The following SYNJ1 variants were observed in gnomAD, a reference collection of about 807,000 sequenced individuals.
SYNJ1 encodes the protein polyphosphatidylinositol phosphatase SYNJ1.
SYNJ1 carries 78 observed loss-of-function variants against 168.2 expected under a neutral mutation model. The ratio of observed to expected loss-of-function variants is 0.46; its 90% CI spans 0.39 to 0.56. The LOEUF (loss-of-function observed/expected upper bound fraction) is 0.56. Ranked by LOEUF, SYNJ1 falls within the 20% of genes least tolerant of loss-of-function variation. SYNJ1 has a pLI of 0.00. For synonymous variants in SYNJ1, 539 were observed against 548.6 expected (o/e 0.98, Z 0.24); for missense variants, 1,303 against 1,597.6 (o/e 0.82, Z 3.14).
At chr21:32,728,099 G>T, upstream of SYNJ1, 2 of 1,500,924 alleles carry the variant, frequency 1.3e-6, no homozygotes, top group Non-Finnish European at 1.8e-6. Context: ...GGGGCATCAG[G>T]AGGGAGACCA....
At chr21:32,664,646 C>T (rs981281830) in intron 18 of SYNJ1, among the ~76,000 whole-genome samples, 11 of 152,010 alleles carry the variant, frequency 7.2e-5, no homozygotes, top group Non-Finnish European at 1.0e-4. Flanking sequence ...ATTGCTCACT[C>T]GGGGAGCTCG....
chr21:32,639,216 T>C, intron 30 of SYNJ1, 91 bp from the exon 31 acceptor site: 1 of 1,219,922 alleles, frequency 8.2e-7, no homozygotes, highest in South Asian at 1.5e-5. Context: ...AACATTCTAG[T>C]TATTTCTTCC....
rs547514080 is a variant in SYNJ1 at position 32,680,814 on chromosome 21, G to T, written c.1353+682C>A. On this transcript the variant is annotated intron_variant, in intron 11 of 32. Transcript: ENST00000674351. The stretch of plus-strand genomic sequence containing the variant: ...CTATTTTCAGTAGAGATGTGGTTTC[G>T]CTATGTTGGCCAGGCTAGACTAGAA... Among the ~76,000 whole-genome samples, 331 of 152,124 alleles carry T rather than the reference G, an allele frequency of 2.2e-3. 3 individuals carry two copies. Among genetic ancestry groups the T allele is most frequent in the African/African-American group, 7.6e-3 (315 of 41,500 alleles).
In SYNJ1 at chr21:32,684,019, T is replaced by C. The variant is rs200918867; in HGVS notation, c.1200+19A>G. 77 of 1,609,454 alleles carry C rather than the reference T, an allele frequency of 4.8e-5. No homozygotes were observed. The highest frequency in any genetic ancestry group is 1.6e-4 in the Middle Eastern group (1 of 6,064). The stretch of plus-strand genomic sequence containing the variant: ...AGGCAGATGATACAAGGCACATACA[T>C]TTTAATTTATTCTTTTACCTCTAAG... On this transcript the variant is annotated intron_variant, in intron 10 of 32. Transcript: ENST00000674351.
intron 4 of SYNJ1, among the ~76,000 whole-genome samples, chr21:32,697,479 T>C (rs2042249566): frequency 6.8e-6 from 1 of 147,020 alleles, no homozygotes; most frequent in Non-Finnish European, 1.5e-5. Context: ...TTTGCCCCCA[T>C]CTCTACTCTT....
chr21:32,646,348 A>C, intron 24 of SYNJ1, 45 bp downstream of exon 24: 1 of 1,576,736 alleles, frequency 6.3e-7, no homozygotes, highest in African/African-American at 1.3e-5. Flanking sequence ...CATCAAGCAC[A>C]TTGGCCACAG....
At chr21:32,672,924 T>A (rs2041261880) in intron 14 of SYNJ1, among the ~76,000 whole-genome samples, 1 of 152,188 alleles carries the variant, frequency 6.6e-6, no homozygotes, top group Admixed American at 6.5e-5. Flanking sequence ...ATTTTAATTA[T>A]GTAATTTTAA....
At chr21:32,662,343 T>C (rs984202853) in intron 18 of SYNJ1, among the ~76,000 whole-genome samples, 2 of 152,204 alleles carry the variant, frequency 1.3e-5, no homozygotes, top group East Asian at 3.9e-4. Flanking sequence ...ATCAGGTTAC[T>C]GAGGTAGGGT....
chr21:32,650,838 C>CTA (rs2040246411), intron 22 of SYNJ1, among the ~76,000 whole-genome samples: 1 of 152,182 alleles, frequency 6.6e-6, no homozygotes, highest in South Asian at 2.1e-4. Flanking sequence ...AAGTGCTAAC[C>CTA]TATACAGTTT....
At chr21:32,686,134 T>C (rs761408708) in intron 8 of SYNJ1, among the ~76,000 whole-genome samples, 3 of 152,206 alleles carry the variant, frequency 2.0e-5, no homozygotes, top group Non-Finnish European at 4.4e-5. Context: ...TTGCCAGCAT[T>C]TTATTTTTAC....
chr21:32,717,031 C>T (rs1289714491), intron 2 of SYNJ1, among the ~76,000 whole-genome samples: 1 of 151,906 alleles, frequency 6.6e-6, no homozygotes, highest in Non-Finnish European at 1.5e-5. Flanking sequence ...ATGCTCTTGG[C>T]TCACTGCAAC....
intron 6 of SYNJ1, among the ~76,000 whole-genome samples, chr21:32,690,814 C>A (rs1037998137): frequency 6.6e-6 from 1 of 152,096 alleles, no homozygotes; most frequent in African/African-American, 2.4e-5. Context: ...CCCAGCTACT[C>A]GGGATGCTGA....
chr21:32,698,665 A>C (rs1192836358), intron 4 of SYNJ1, among the ~76,000 whole-genome samples: 1 of 152,192 alleles, frequency 6.6e-6, no homozygotes, highest in African/African-American at 2.4e-5. Flanking sequence ...TGTTCTGCTC[A>C]CCATTTGTGC....
Position 32,631,069 on chromosome 21 carries a change from T to TG in SYNJ1, c.*735dup. On this transcript the variant is annotated 3_prime_UTR_variant, in exon 33 of 33. Coordinates refer to ENST00000674351, the MANE Select transcript of SYNJ1 (RefSeq NM_203446.3). The stretch of plus-strand genomic sequence containing the variant: ...GTGAAAGGATCTACTGGAGGGCTGG[T>TG]GCCGGGCGGGAGCAGAGGGACAGGA... The TG allele has an allele frequency of 6.2e-7, 1 of 1,614,138 alleles. No individual in the cohort carries two copies. Among genetic ancestry groups the TG allele is most frequent in the Non-Finnish European group, 8.5e-7 (1 of 1,180,006 alleles).
intron 2 of SYNJ1, among the ~76,000 whole-genome samples, chr21:32,719,116 G>T (rs530835281): frequency 3.3e-5 from 5 of 152,320 alleles, no homozygotes; most frequent in Non-Finnish European, 7.4e-5. Flanking sequence ...ATGAAATAAA[G>T]TGTGTCAAAT....
rs1601193091 is a variant in SYNJ1, at chr21:32,630,953, T to G, written c.*852A>C. The G allele has an allele frequency of 1.3e-6, 2 of 1,564,020 alleles. No homozygotes were observed. Among genetic ancestry groups the G allele is most frequent in the African/African-American group, 1.4e-5 (1 of 73,490 alleles). On this transcript the variant is annotated 3_prime_UTR_variant, in exon 33 of 33. Coordinates refer to ENST00000674351, the MANE Select transcript of SYNJ1 (RefSeq NM_203446.3). ...CTAATGCCCAATTCTCTTAGCTCTA[T>G]CCTGCCAAAAGCAAGTACCCACTGT...
intron 9 of SYNJ1, among the ~76,000 whole-genome samples, chr21:32,684,733 TAA>T (rs1201785224): frequency 1.3e-5 from 2 of 152,330 alleles, no homozygotes; most frequent in Non-Finnish European, 2.9e-5. Flanking sequence ...ACGTAAGTTT[TAA>T]AAGAGAAGCA....
At chr21:32,662,967 A>G (rs2040776656) in intron 18 of SYNJ1, among the ~76,000 whole-genome samples, 1 of 152,212 alleles carries the variant, frequency 6.6e-6, no homozygotes, top group African/African-American at 2.4e-5. Flanking sequence ...TTCGAGGAGA[A>G]GTTTACAAAC....
intron 7 of SYNJ1, among the ~76,000 whole-genome samples, chr21:32,688,032 C>G (rs2041892148): frequency 6.6e-6 from 1 of 151,906 alleles, no homozygotes; most frequent in African/African-American, 2.4e-5. Context: ...AGACTAGTCA[C>G]ATTTCAAGTG....
Sources: allele counts gnomAD v4.1 joint callset (sites outside exome capture counted in the v4.1 genomes callset), GRCh38; gene constraint gnomAD v4.1.1; transcripts MANE v1.5; gene names NCBI Gene and HGNC (gene_info 2026-07-23, HGNC 2026-07-21).